Variants in CHCHD6 observed in about 807,000 individuals in gnomAD.
CHCHD6 encodes the protein MICOS complex subunit MIC25.
A neutral mutation model predicts 32.3 loss-of-function variants in CHCHD6; 28 were observed. The observed-to-expected ratio is 0.87, with a 90% confidence interval of 0.64 to 1.19. The LOEUF is 1.19. CHCHD6 is among the 50% of genes most tolerant of loss of function. The pLI, the probability that CHCHD6 is intolerant of heterozygous loss-of-function variation, is 0.00. For synonymous variants in CHCHD6, 122 were observed against 117.5 expected (o/e 1.04, Z -0.25); for missense variants, 333 against 307.0 (o/e 1.08, Z -0.63).
At chr3:126,946,737 A>G (rs1421998758) in intron 6 of CHCHD6, among the ~76,000 whole-genome samples, 1 of 152,216 alleles carries the variant, frequency 6.6e-6, no homozygotes, top group Non-Finnish European at 1.5e-5. Flanking sequence ...CACGGGTTAA[A>G]GCAGAAACCC....
chr3:126,908,330 C>G (rs913071170), intron 5 of CHCHD6, among the ~76,000 whole-genome samples: 2 of 152,216 alleles, frequency 1.3e-5, no homozygotes, highest in Non-Finnish European at 2.9e-5. Context: ...GTGCTTTGGT[C>G]GGATTCTGTG....
chr3:126,773,192 A>G (rs536176617), intron 4 of CHCHD6, among the ~76,000 whole-genome samples: 87 of 152,192 alleles, frequency 5.7e-4, no homozygotes, highest in African/African-American at 2.1e-3. Context: ...TGATGATTAT[A>G]TGTCTTGGGG....
intron 6 of CHCHD6, among the ~76,000 whole-genome samples, chr3:126,925,365 A>G (rs2078307705): frequency 1.3e-5 from 2 of 152,346 alleles, no homozygotes; most frequent in Middle Eastern, 3.4e-3. Flanking sequence ...CATTGTCTGA[A>G]TAGTATCAGG....
intron 4 of CHCHD6, among the ~76,000 whole-genome samples, chr3:126,793,406 C>T (rs1340250588): frequency 6.6e-6 from 1 of 151,972 alleles, no homozygotes; most frequent in Non-Finnish European, 1.5e-5. Flanking sequence ...TTAGTGGTTA[C>T]TCTATGGATC....
At chr3:126,763,979 A>G (rs1043128051) in intron 4 of CHCHD6, among the ~76,000 whole-genome samples, 12 of 152,078 alleles carry the variant, frequency 7.9e-5, no homozygotes, top group African/African-American at 2.9e-4. Context: ...TTTATATTTT[A>G]CCACAGAGAA....
chr3:126,707,631 C>A (rs1239929368), intron 1 of CHCHD6, among the ~76,000 whole-genome samples: 2 of 152,198 alleles, frequency 1.3e-5, no homozygotes, highest in Non-Finnish European at 2.9e-5. Flanking sequence ...TTCCCCCTTT[C>A]CCACCACTGA....
chr3:126,819,912 G>C (rs1940078506), intron 4 of CHCHD6, among the ~76,000 whole-genome samples: 1 of 152,248 alleles, frequency 6.6e-6, no homozygotes, highest in African/African-American at 2.4e-5. Context: ...GACTGAGGGA[G>C]CCTGGGAGGC....
intron 6 of CHCHD6, among the ~76,000 whole-genome samples, chr3:126,947,257 A>C (rs747386908): frequency 2.6e-5 from 4 of 152,144 alleles, no homozygotes; most frequent in Non-Finnish European, 4.4e-5. Context: ...TTCCCACCTC[A>C]TGTTGATGCT....
At chr3:126,883,028 G>A (rs1324430526) in intron 5 of CHCHD6, among the ~76,000 whole-genome samples, 1 of 152,176 alleles carries the variant, frequency 6.6e-6, no homozygotes, top group Non-Finnish European at 1.5e-5. Context: ...GTTGATGGCT[G>A]ATGGTTTAAT....
At chr3:126,912,221 A>T (rs2078100717) in intron 5 of CHCHD6, among the ~76,000 whole-genome samples, 1 of 152,214 alleles carries the variant, frequency 6.6e-6, no homozygotes. Flanking sequence ...ATGAGGTCTC[A>T]TGAAGGGGAA....
chr3:126,811,020 G>A (rs945718992), intron 4 of CHCHD6, among the ~76,000 whole-genome samples: 1 of 152,186 alleles, frequency 6.6e-6, no homozygotes, highest in Non-Finnish European at 1.5e-5. Flanking sequence ...GATGGGATGT[G>A]TCTGTAAAAT....
chr3:126,888,713 T>C (rs1279328822), intron 5 of CHCHD6, among the ~76,000 whole-genome samples: 1 of 152,166 alleles, frequency 6.6e-6, no homozygotes, highest in Non-Finnish European at 1.5e-5. Flanking sequence ...AGACAAAGCA[T>C]AGACCTGCTC....
rs771627292 is a variant in CHCHD6, at chr3:126,949,671, G to A, written c.567-7745G>A. On this transcript the variant is annotated intron_variant, in intron 6 of 7. Transcript: ENST00000290913. The stretch of plus-strand genomic sequence containing the variant: ...GAAGGCTGCTGCGCGGACTGCCGCC[G>A]TGGACGGAAGGGAAGGCTGTACAGA... 3.7e-5 allele frequency: 8 copies of A among 215,078 alleles called. No individual in the cohort carries two copies. The East Asian group carries it at 7.4e-4, about 20-fold the overall frequency. 13.3% of individuals were successfully genotyped at this position (215,078 alleles called of 1,614,324 possible).
intron 5 of CHCHD6, among the ~76,000 whole-genome samples, chr3:126,913,424 G>A (rs927684630): frequency 2.0e-5 from 3 of 151,476 alleles, no homozygotes; most frequent in African/African-American, 7.3e-5. Flanking sequence ...TAGTAGAGAT[G>A]GGGTTTTGCC....
At chr3:126,812,315 G>GT (rs11360867) in intron 4 of CHCHD6, among the ~76,000 whole-genome samples, 11 of 113,206 alleles carry the variant, frequency 9.7e-5, no homozygotes, top group African/African-American at 3.5e-4. Flanking sequence ...GTCCATGTGT[G>GT]TTTTTTTTTT....
At chr3:126,888,089 T>C (rs1273212083) in intron 5 of CHCHD6, among the ~76,000 whole-genome samples, 1 of 152,158 alleles carries the variant, frequency 6.6e-6, no homozygotes, top group Non-Finnish European at 1.5e-5. Context: ...TCTCTCTGGC[T>C]GACTAAAGTG....
At position 126,880,123 on chromosome 3, in the gene CHCHD6, A is replaced by G. The variant is rs6766652; in HGVS notation, c.495+27393A>G. On this transcript the variant is annotated intron_variant, in intron 5 of 7. Transcript: ENST00000290913. ...AGGGAGATGCCATTCTCATGTGACA[A>G]TATACTAGGTGTGATACACCTGGGA... Among the ~76,000 whole-genome samples the G allele has an allele frequency of 3.5e-3, 527 of 152,268 alleles. 5 individuals are homozygous for G. Among genetic ancestry groups the G allele is most frequent in the African/African-American group, 0.011 (477 of 41,542 alleles).
chr3:126,939,001 C>T (rs1325612379), intron 6 of CHCHD6, among the ~76,000 whole-genome samples: 1 of 152,212 alleles, frequency 6.6e-6, no homozygotes, highest in African/African-American at 2.4e-5. Context: ...TCAGACTCTT[C>T]CTGTGGTTCA....
At chr3:126,852,568 T>C in intron 4 of CHCHD6, 79 bp from the exon 5 acceptor site, 2 of 957,314 alleles carry the variant, frequency 2.1e-6, no homozygotes, top group African/African-American at 1.6e-5. Flanking sequence ...TGAGCAGAAA[T>C]GTCCGTCGCC....
Sources: gnomAD v4.1 joint callset for allele counts (sites outside exome capture counted in the v4.1 genomes callset) on GRCh38, gnomAD v4.1.1 for gene constraint, MANE v1.5 for transcripts, NCBI Gene and HGNC (gene_info 2026-07-23, HGNC 2026-07-21) for gene names.